TCF25: variants seen among roughly 807,000 people sequenced by gnomAD.
TCF25 encodes the protein ribosome quality control complex subunit TCF25.
Under a neutral mutation model 83.1 loss-of-function variants are expected in TCF25, and 41 were observed. That is an observed-to-expected ratio of 0.49 (90% CI 0.38 to 0.64). The LOEUF (loss-of-function observed/expected upper bound fraction) is 0.64. TCF25 is among the 30% of genes least tolerant of loss of function. The pLI, the probability that TCF25 is intolerant of heterozygous loss-of-function variation, is 0.00. For missense variants in TCF25, 979 were observed against 914.5 expected, an observed-to-expected ratio of 1.07 and a Z score of -0.91; for synonymous variants, 458 against 365.0, an observed-to-expected ratio of 1.25 and a Z score of -2.90.
chr16:89,895,167 C>T, intron 8 of TCF25, 30 bp downstream of exon 8: 1 of 1,592,934 alleles, frequency 6.3e-7, no homozygotes, highest in Non-Finnish European at 8.6e-7. Flanking sequence ...CCATTCCCCT[C>T]AGCTGTGGGA....
chr16:89,890,290 A>G (rs1478901193), intron 5 of TCF25: 5 of 152,318 alleles, frequency 3.3e-5, no homozygotes, highest in Non-Finnish European at 7.3e-5. Flanking sequence ...GATGTTGGCT[A>G]CAGTCCCCGG....
chr16:89,903,049 GTCC>G (rs1264208142), intron 12 of TCF25, among the ~76,000 whole-genome samples: 2 of 152,220 alleles, frequency 1.3e-5, no homozygotes, highest in African/African-American at 2.4e-5. Context: ...AAGCACCTTT[GTCC>G]TCCTCTGGGG....
rs1240273100 is a variant in TCF25 at position 89,878,088 on chromosome 16, G to T, written c.192+4229G>T. Among the ~76,000 whole-genome samples, 4 of 152,232 alleles carry T rather than the reference G, an allele frequency of 2.6e-5. No homozygotes were observed. In the East Asian group the frequency reaches 7.7e-4, roughly 29 times the overall value. On this transcript the variant is annotated intron_variant, in intron 1 of 17. Coordinates refer to ENST00000263346, the MANE Select transcript of TCF25 (RefSeq NM_014972.3). ...AGCTCAGGTGTGTGAGACCAGCCTG[G>T]GCAATGTGGCAAAACCCCATCTCTA...
intron 8 of TCF25, 118 bp downstream of exon 8, chr16:89,895,255 G>A: frequency 1.1e-6 from 1 of 900,228 alleles, no homozygotes; most frequent in Admixed American, 2.4e-5. Context: ...GCTTTATTGA[G>A]ATACAACCTA....
rs544196943 is a variant in TCF25 at position 89,903,436 on chromosome 16, C to T, written c.1382-682C>T. 7.9e-5 allele frequency among the ~76,000 whole-genome samples: 12 copies of T among 152,138 alleles called. No homozygotes were observed. The East Asian group carries it at 2.3e-3, about 29-fold the overall frequency. ...CTGTAATCCCAGCACTTTGGGAGGC[C>T]GAGGCAGGAGGATCGCTTGAGCATA... On this transcript the variant is annotated intron_variant, in intron 12 of 17. Transcript: ENST00000263346.
At chr16:89,907,904 A>T (rs1238981510) in intron 16 of TCF25, among the ~76,000 whole-genome samples, 18 of 28,866 alleles carry the variant, frequency 6.2e-4, no homozygotes, top group Middle Eastern at 0.024. Context: ...CCCGCCTCCC[A>T]CCTCCCAGCT....
In TCF25 at chr16:89,880,962, A is replaced by G. The variant is rs534331054; in HGVS notation, c.193-2389A>G. 7.2e-5 allele frequency among the ~76,000 whole-genome samples: 11 copies of G among 152,334 alleles called. No homozygotes were observed. The East Asian group carries it at 2.1e-3, about 29-fold the overall frequency. On this transcript the variant is annotated intron_variant, in intron 1 of 17. Transcript: ENST00000263346. ...AGGAGGCATCACCATGAGAATCACCATCATGGTGCTGCTGGGATGGGACAA... is the reference window on the plus strand; with the variant it reads ...AGGAGGCATCACCATGAGAATCACCGTCATGGTGCTGCTGGGATGGGACAA...
chr16:89,910,553 T>G (rs2045478532), intron 16 of TCF25, 38 bp from the exon 17 acceptor site: 1 of 1,608,528 alleles, frequency 6.2e-7, no homozygotes, highest in South Asian at 1.1e-5. Context: ...CGAGTCTCAG[T>G]TCAGTGTCGT....
intron 6 of TCF25, among the ~76,000 whole-genome samples, chr16:89,892,732 G>A (rs1458521119): frequency 6.6e-6 from 1 of 152,228 alleles, no homozygotes; most frequent in South Asian, 2.1e-4. Flanking sequence ...GTGAAGACAG[G>A]CATGGAGTGT....
rs985848333 is a variant in TCF25 at position 89,898,911 on chromosome 16, C to T, written c.1221+39C>T. ...TGGTGAGGCCCCGTGGAGGGACGGACACCTGCTTCTCCTTCTGTTTTCTTG... is the reference window on the plus strand; with the variant it reads ...TGGTGAGGCCCCGTGGAGGGACGGATACCTGCTTCTCCTTCTGTTTTCTTG... On this transcript the variant is annotated intron_variant, in intron 11 of 17. Transcript: ENST00000263346. 5 of 1,576,630 alleles carry T rather than the reference C, an allele frequency of 3.2e-6. No homozygotes were observed. The South Asian group carries it at 3.3e-5, about 10-fold the overall frequency.
Position 89,911,378 on chromosome 16 carries a change from C to T in TCF25, c.*140C>T, listed in dbSNP as rs2045540227. 1.7e-6 allele frequency: 2 copies of T among 1,143,938 alleles called. No individual in the cohort carries two copies. The highest frequency in any genetic ancestry group is 2.2e-5 in the Admixed American group (1 of 46,158). The allele number at this position is 1,143,938 out of a possible 1,614,324, so 70.9% of individuals were successfully genotyped here. A position where few individuals can be genotyped will look rare whatever the true frequency, so the allele number is the denominator to read the frequency against. ...GTTTCTCCTATAAATGTAAATGGGT[C>T]ACGCTCTGCCGTCCGCACCTTCTCC... On this transcript the variant is annotated 3_prime_UTR_variant, in exon 18 of 18. Coordinates refer to ENST00000263346, the MANE Select transcript of TCF25 (RefSeq NM_014972.3).
In TCF25 at chr16:89,911,205, GGAC is replaced by G; in HGVS notation, c.2003_2005del (p.Asp668del). The G allele has an allele frequency of 1.2e-6, 2 of 1,612,550 alleles. No individual in the cohort carries two copies. The highest frequency in any genetic ancestry group is 8.5e-7 in the Non-Finnish European group (1 of 1,179,954). ...TCAACGACCTGGAGGCGCCGCACGA[GGAC>G]GACGCTGAGGGGGAGGGGGAGTGGG... On this transcript the variant is annotated inframe_deletion, in exon 18 of 18. Coordinates refer to ENST00000263346, the MANE Select transcript of TCF25 (RefSeq NM_014972.3).
At chr16:89,900,817 C>T in intron 12 of TCF25, 23 bp downstream of exon 12, 1 of 1,554,450 alleles carries the variant, frequency 6.4e-7, no homozygotes, top group South Asian at 1.1e-5. Context: ...TGTGTCTCGC[C>T]TGGGGTAGGG....
chr16:89,889,231 C>T (rs1286416400), intron 5 of TCF25: 2 of 397,048 alleles, frequency 5.0e-6, no homozygotes, highest in Admixed American at 6.0e-5. Flanking sequence ...TTTTTAGAGA[C>T]AGGGTCTTGC....
In TCF25 at chr16:89,898,759, T is replaced by A. The variant is rs1169838885; in HGVS notation, c.1116-8T>A. The A allele has an allele frequency of 1.2e-6, 2 of 1,613,626 alleles. No homozygotes were observed. The highest frequency in any genetic ancestry group is 1.7e-6 in the Non-Finnish European group (2 of 1,180,038). On this transcript the variant is annotated splice_polypyrimidine_tract_variant and splice_region_variant and intron_variant, in intron 10 of 17. Coordinates refer to ENST00000263346, the MANE Select transcript of TCF25 (RefSeq NM_014972.3). ...CCTTTGCTCTGCTCTCTGTGCTGCCTCCGGAAGTCTCGAGCCGGATGAGGA... is the reference window on the plus strand; with the variant it reads ...CCTTTGCTCTGCTCTCTGTGCTGCCACCGGAAGTCTCGAGCCGGATGAGGA...
rs1267671629 is a variant in TCF25, at chr16:89,895,029, T to G, written c.829-9T>G. 1.9e-6 allele frequency: 3 copies of G among 1,611,724 alleles called. No homozygotes were observed. Among genetic ancestry groups the G allele is most frequent in the Admixed American group, 3.3e-5 (2 of 59,940 alleles). On this transcript the variant is annotated splice_polypyrimidine_tract_variant and intron_variant, in intron 7 of 17. Coordinates refer to ENST00000263346, the MANE Select transcript of TCF25 (RefSeq NM_014972.3). ...GCCTTTCCTCCAGGGCTGTCCTCCC[T>G]TCTGGTAGGTTCTGCTCCAGACGAG... is the stretch of plus-strand genomic sequence containing the variant.
At chr16:89,898,715 C>G (rs1323064115) in intron 10 of TCF25, 52 bp from the exon 11 acceptor site, 1 of 1,612,574 alleles carries the variant, frequency 6.2e-7, no homozygotes, top group East Asian at 2.2e-5. Context: ...CACTCTCAGC[C>G]TGACGATGCC....
At chr16:89,904,088 GC>G in intron 12 of TCF25, 29 bp from the exon 13 acceptor site, 1 of 1,589,848 alleles carries the variant, frequency 6.3e-7, no homozygotes, top group Non-Finnish European at 8.6e-7. Context: ...TGTGCTGAGG[GC>G]CCCCACAGAG....
chr16:89,910,752 G>T, intron 17 of TCF25, 89 bp downstream of exon 17: 1 of 1,433,996 alleles, frequency 7.0e-7, no homozygotes, highest in South Asian at 1.2e-5. Flanking sequence ...CTTGAACCAG[G>T]ACTGTGCCAG....
Sources: allele counts gnomAD v4.1 joint callset (sites outside exome capture counted in the v4.1 genomes callset), GRCh38; gene constraint gnomAD v4.1.1; transcripts MANE v1.5; gene names NCBI Gene and HGNC (gene_info 2026-07-23, HGNC 2026-07-21).